The following RHEB variants were observed in gnomAD, a reference collection of about 807,000 sequenced individuals.
RHEB encodes the protein Ras homolog, mTORC1 binding.
Under a neutral mutation model 28.8 loss-of-function variants are expected in RHEB, and 2 were observed. The ratio of observed to expected loss-of-function variants is 0.07; its 90% CI spans 0.03 to 0.22. The LOEUF (loss-of-function observed/expected upper bound fraction) is 0.22. Among genes scored for constraint, RHEB ranks in the 10% least tolerant of loss-of-function variants. RHEB has a pLI of 1.00. For synonymous variants in RHEB, 69 were observed against 77.3 expected (o/e 0.89, Z 0.56); for missense variants, 76 against 219.9 (o/e 0.35, Z 4.14).
At chr7:151,486,632 T>C (rs1802480333) in intron 2 of RHEB, among the ~76,000 whole-genome samples, 1 of 152,162 alleles carries the variant, frequency 6.6e-6, no homozygotes, top group African/African-American at 2.4e-5. Flanking sequence ...TTACTCTGAA[T>C]GTGAGGAGAA....
At position 151,503,490 on chromosome 7, in the gene RHEB, C is replaced by T. The variant is rs923069567; in HGVS notation, c.53-12476G>A. The T allele has an allele frequency of 3.0e-6, 3 of 987,706 alleles. No homozygotes were observed. The African/African-American group carries it at 4.8e-5, about 16-fold the overall frequency. 61.2% of individuals were successfully genotyped at this position (987,706 alleles called of 1,614,324 possible). ...CATGAGTCTGGCAAAACGTGCCTCACCCTCCAGCATCCAACCCAAGAAGCA... is the reference window on the plus strand; with the variant it reads ...CATGAGTCTGGCAAAACGTGCCTCATCCTCCAGCATCCAACCCAAGAAGCA... On this transcript the variant is annotated intron_variant, in intron 1 of 7. Transcript: ENST00000262187.
rs182771161 is a variant in RHEB at position 151,490,992 on chromosome 7, T to C, written c.75A>G (p.Gln25=). The change falls in exon 2 of 8, where the codon CAA becomes CAG. Residue 25 remains glutamine, a synonymous_variant. Transcript: ENST00000262187. ...RSVGKSSLTI[Q]FVEGQFVDSY... ...AGTCCACAAATTGGCCTTCAACAAA[T>C]TGAATCGTCAATGAGGATTTCCCTA... is the stretch of plus-strand genomic sequence containing the variant. 2 of 1,612,184 alleles carry C rather than the reference T, an allele frequency of 1.2e-6. No individual in the cohort carries two copies. The highest frequency in any genetic ancestry group is 2.2e-5 in the East Asian group (1 of 44,866).
intron 2 of RHEB, among the ~76,000 whole-genome samples, chr7:151,488,486 G>A (rs1802522901): frequency 6.6e-6 from 1 of 152,210 alleles, no homozygotes; most frequent in South Asian, 2.1e-4. Flanking sequence ...CTAGCAACAA[G>A]TTCATGATAA....
rs1802098056 is a variant in RHEB, at chr7:151,468,129, A to C, written c.463-918T>G. On this transcript the variant is annotated intron_variant, in intron 7 of 7. Transcript: ENST00000262187. This position sits in a 1 kb window ranked among gnomAD's most constrained non-coding sequence, Gnocchi z 4.3. ...TAATCACCAAGAATCCCCCTCCCCCATCACTCCAGTGACTTCCACTATCCC... is the reference window on the plus strand; with the variant it reads ...TAATCACCAAGAATCCCCCTCCCCCCTCACTCCAGTGACTTCCACTATCCC... 6.6e-6 allele frequency among the ~76,000 whole-genome samples: 1 copy of C among 151,758 alleles called. No individual in the cohort carries two copies. The highest frequency in any genetic ancestry group is 2.4e-5 in the African/African-American group (1 of 41,274).
chr7:151,470,701 T>C (rs1584845802), intron 6 of RHEB, 49 bp from the exon 7 acceptor site: 4 of 1,253,756 alleles, frequency 3.2e-6, no homozygotes, highest in South Asian at 2.6e-5. Flanking sequence ...CTTCATTATA[T>C]AAAACATGTA....
chr7:151,477,936 T>C (rs1262999813), intron 3 of RHEB, among the ~76,000 whole-genome samples: 3 of 146,396 alleles, frequency 2.0e-5, no homozygotes, highest in Non-Finnish European at 3.0e-5. Flanking sequence ...GGGAGGGAGG[T>C]GGGGGAGAGA....
intron 1 of RHEB, among the ~76,000 whole-genome samples, chr7:151,501,368 T>C (rs1802769257): frequency 6.6e-6 from 1 of 152,176 alleles, no homozygotes; most frequent in Admixed American, 6.5e-5. Context: ...TCATTATCCA[T>C]TAGGGAAATG....
chr7:151,482,539 T>C (rs1050425358), intron 3 of RHEB, among the ~76,000 whole-genome samples: 1 of 152,232 alleles, frequency 6.6e-6, no homozygotes, highest in Non-Finnish European at 1.5e-5. Context: ...AAAACGTGTT[T>C]CCACAGTAAC....
chr7:151,508,116 G>A (rs1802920473), intron 1 of RHEB, among the ~76,000 whole-genome samples: 1 of 152,164 alleles, frequency 6.6e-6, no homozygotes, highest in Admixed American at 6.5e-5. Flanking sequence ...CCAATCTGGA[G>A]AGAAGACCTG....
chr7:151,507,249 A>G (rs1263831905), intron 1 of RHEB, among the ~76,000 whole-genome samples: 1 of 152,246 alleles, frequency 6.6e-6, no homozygotes, highest in Non-Finnish European at 1.5e-5. Context: ...TACATGACAC[A>G]CAATGCCAAT....
intron 1 of RHEB, among the ~76,000 whole-genome samples, chr7:151,501,430 T>TA (rs1438098667): frequency 6.6e-6 from 1 of 152,136 alleles, no homozygotes; most frequent in Non-Finnish European, 1.5e-5. Context: ...ATGGCTAAAA[T>TA]AAAAAATATT....
At chr7:151,489,498 A>G (rs1802540786) in intron 2 of RHEB, among the ~76,000 whole-genome samples, 1 of 152,254 alleles carries the variant, frequency 6.6e-6, no homozygotes, top group African/African-American at 2.4e-5. Context: ...TTTATCAACC[A>G]ACAGGTTTCC....
At chr7:151,490,761 G>A (rs772380702) in intron 2 of RHEB, among the ~76,000 whole-genome samples, 182 bp downstream of exon 2, 21 of 152,218 alleles carry the variant, frequency 1.4e-4, no homozygotes, top group Non-Finnish European at 2.4e-4. Flanking sequence ...GGCAGGGGAT[G>A]CAGACATGGA....
In RHEB at chr7:151,519,707, C is replaced by G. The variant is rs879126526; in HGVS notation, c.-196G>C. 166 of 365,558 alleles carry G rather than the reference C, an allele frequency of 4.5e-4. 1 individual carries two copies. The East Asian group carries it at 5.9e-3, about 13-fold the overall frequency. The allele number at this position is 365,558 out of a possible 1,614,324, so 22.6% of individuals were successfully genotyped here. A position where few individuals can be genotyped will look rare whatever the true frequency, so the allele number is the denominator to read the frequency against. On this transcript the variant is annotated 5_prime_UTR_variant, in exon 1 of 8. Coordinates refer to ENST00000262187, the MANE Select transcript of RHEB (RefSeq NM_005614.4). ...CGACCGCGCGGCGGCGCCCCTCCCCCCCACAACACGCCCACGTGACCGGCC... is the reference window on the plus strand; with the variant it reads ...CGACCGCGCGGCGGCGCCCCTCCCCGCCACAACACGCCCACGTGACCGGCC...
chr7:151,518,566 T>A (rs1803122422), intron 1 of RHEB, among the ~76,000 whole-genome samples: 2 of 152,158 alleles, frequency 1.3e-5, no homozygotes, highest in Admixed American at 6.5e-5. Flanking sequence ...TCAATCGCTC[T>A]GGTTTCACAC....
At chr7:151,514,620 T>G (rs1414637347) in intron 1 of RHEB, among the ~76,000 whole-genome samples, 2 of 152,166 alleles carry the variant, frequency 1.3e-5, no homozygotes, top group Non-Finnish European at 2.9e-5. Context: ...TTCTTCAAAA[T>G]ATTAAGCACA....
intron 4 of RHEB, among the ~76,000 whole-genome samples, chr7:151,475,571 TA>T (rs766183128): frequency 6.6e-6 from 1 of 152,132 alleles, no homozygotes; most frequent in Non-Finnish European, 1.5e-5. Flanking sequence ...CAACTGAAAT[TA>T]AAAAAATCTT....
intron 2 of RHEB, among the ~76,000 whole-genome samples, chr7:151,487,053 TCC>T (rs1802489203): frequency 6.6e-6 from 1 of 152,186 alleles, no homozygotes; most frequent in Non-Finnish European, 1.5e-5. Flanking sequence ...ATGCCTGTAA[TCC>T]CACTTTGGGA....
intron 1 of RHEB, among the ~76,000 whole-genome samples, chr7:151,510,093 A>G (rs1410113394): frequency 6.6e-6 from 1 of 152,194 alleles, no homozygotes; most frequent in Non-Finnish European, 1.5e-5. Flanking sequence ...ACTGTTCTTG[A>G]AGGACAGTTG....
Sources: gnomAD v4.1 joint callset for allele counts (sites outside exome capture counted in the v4.1 genomes callset) on GRCh38, gnomAD v4.1.1 for gene constraint, Gnocchi (gnomAD v3.1) non-coding constraint, MANE v1.5 for transcripts, NCBI Gene and HGNC (gene_info 2026-07-23, HGNC 2026-07-21) for gene names.